PLCH2: variants seen among roughly 807,000 people sequenced by gnomAD.
The protein encoded by PLCH2 is 1-phosphatidylinositol 4,5-bisphosphate phosphodiesterase eta-2.
PLCH2 carries 98 observed loss-of-function variants against 134.7 expected under a neutral mutation model. The ratio of observed to expected loss-of-function variants is 0.73; its 90% confidence interval spans 0.62 to 0.86. PLCH2 has a LOEUF of 0.86. PLCH2 is among the 40% of genes least tolerant of loss of function. PLCH2 has a pLI of 0.00. For synonymous variants in PLCH2, 974 were observed against 827.5 expected (o/e 1.18, Z -3.04); for missense variants, 1,994 against 1,986.6 (o/e 1.00, Z -0.07).
chr1:2,502,989 C>G (rs751130009), intron 21 of PLCH2: 2 of 716,512 alleles, frequency 2.8e-6, no homozygotes, highest in South Asian at 1.5e-5. Context: ...GCTGCTTCTG[C>G]GTGGACGGTG....
intron 1 of PLCH2, chr1:2,467,759 C>G: frequency 2.5e-6 from 1 of 399,900 alleles, no homozygotes; most frequent in Non-Finnish European, 4.4e-6. Context: ...CAGGACCGGA[C>G]CTGTTCACTG....
chr1:2,424,993 C>CA (rs570886887), upstream of PLCH2, among the ~76,000 whole-genome samples: 2 of 151,412 alleles, frequency 1.3e-5, no homozygotes, highest in African/African-American at 4.8e-5. Context: ...CTCAAAAAAA[C>CA]AAAAAACAAA....
Position 2,494,879 on chromosome 1 carries a change from G to A in PLCH2, c.1683G>A (p.Glu561=). 1 of 1,606,940 alleles carries A rather than the reference G, an allele frequency of 6.2e-7. No individual in the cohort carries two copies. Among genetic ancestry groups the A allele is most frequent in the Non-Finnish European group, 8.5e-7 (1 of 1,177,478 alleles). Residue 561 remains glutamate, a synonymous_variant, in exon 12 of 22, where the codon GAG becomes GAA. Transcript: ENST00000378486. ...AGAGCAAGGCTGAAGAGGACGTGGA[G>A]TCTGGGGAGGATGCCGGGGCCAGCA... ...GRKSKAEEDV[E]SGEDAGASRR...
At chr1:2,499,571 T>G in intron 19 of PLCH2, 70 bp from the exon 20 acceptor site, 2 of 1,170,670 alleles carry the variant, frequency 1.7e-6, no homozygotes, top group Non-Finnish European at 1.2e-6. Context: ...TTAAGTAGAA[T>G]GGGGGGCAGA....
chr1:2,434,672 C>G (rs902606223), intron 2 of PLCH2, among the ~76,000 whole-genome samples: 1 of 152,216 alleles, frequency 6.6e-6, no homozygotes, highest in Non-Finnish European at 1.5e-5. Flanking sequence ...CCCTTCCCCC[C>G]ACAGCCAGCA....
intron 1 of PLCH2, among the ~76,000 whole-genome samples, chr1:2,427,492 A>G (rs1638855504): frequency 1.3e-5 from 2 of 152,184 alleles, no homozygotes; most frequent in Non-Finnish European, 2.9e-5. Flanking sequence ...GCCTCAGGCC[A>G]GGAGGGAGAG....
chr1:2,466,843 C>T (rs546675848), upstream of PLCH2, among the ~76,000 whole-genome samples: 78 of 152,308 alleles, frequency 5.1e-4, no homozygotes, highest in African/African-American at 1.7e-3. Context: ...ACAGACAGGG[C>T]AGGGAGGCGA....
At position 2,459,587 on chromosome 1, in the gene PLCH2, G is replaced by T. The variant is rs367829449; in HGVS notation, c.116-18889G>T. On this transcript the variant is annotated intron_variant, in intron 2 of 3. Transcript: ENST00000609981. ...CTCCTTGCCGGTGGTCCTCCTTGCC[G>T]GTGGTCTTCCTTTCCGGTGGTCCTC... Among the ~76,000 whole-genome samples the T allele has an allele frequency of 5.8e-5, 8 of 136,968 alleles. 1 individual carries two copies. The highest frequency in any genetic ancestry group is 2.9e-4 in the Admixed American group (4 of 13,664). 89.9% of individuals were successfully genotyped at this position (136,968 alleles called of 152,430 possible).
At chr1:2,484,035 C>T (rs375300611) in intron 4 of PLCH2, among the ~76,000 whole-genome samples, 1 of 144,008 alleles carries the variant, frequency 6.9e-6, no homozygotes, top group Non-Finnish European at 1.5e-5. Context: ...GTGTGGGTGG[C>T]GCTGACTCCC....
At chr1:2,496,233 C>T (rs571143729) in intron 13 of PLCH2, among the ~76,000 whole-genome samples, 1 of 152,190 alleles carries the variant, frequency 6.6e-6, no homozygotes, top group East Asian at 1.9e-4. Context: ...ACCCGGCCGA[C>T]ACGGAGGCCC....
At position 2,503,980 on chromosome 1, in the gene PLCH2, C is replaced by G. The variant is rs769112214; in HGVS notation, c.3018C>G (p.Ile1006Met). ...PLPPLCSLET[I>M]AEEPAPGPGP... ...CCCCACTGTGCAGCCTGGAAACCAT[C>G]GCTGAGGAGCCCGCCCCAGGCCCTG... Residue 1006 changes from isoleucine to methionine, a missense_variant, in exon 22 of 22, where the codon ATC becomes ATG. By Grantham distance (10) the Ile-to-Met change is conservative. Coordinates refer to ENST00000378486, the MANE Select transcript of PLCH2 (RefSeq NM_014638.4). 3.3e-6 allele frequency: 5 copies of G among 1,514,242 alleles called. No individual in the cohort carries two copies. The African/African-American group carries it at 4.2e-5, about 13-fold the overall frequency. 93.8% of individuals were successfully genotyped at this position (1,514,242 alleles called of 1,614,324 possible).
intron 2 of PLCH2, among the ~76,000 whole-genome samples, chr1:2,433,197 C>T (rs947595180): frequency 6.6e-6 from 1 of 152,258 alleles, no homozygotes; most frequent in African/African-American, 2.4e-5. Context: ...GCTCCCGGCC[C>T]CCGCTGTGTA....
At chr1:2,443,164 C>T (rs1481753893) in intron 2 of PLCH2, among the ~76,000 whole-genome samples, 2 of 152,222 alleles carry the variant, frequency 1.3e-5, no homozygotes, top group Admixed American at 6.5e-5. Flanking sequence ...GGGCTGGCCG[C>T]CCGATGGGAG....
chr1:2,460,368 G>A (rs1396331657), intron 2 of PLCH2, among the ~76,000 whole-genome samples: 1 of 152,248 alleles, frequency 6.6e-6, no homozygotes, highest in African/African-American at 2.4e-5. Context: ...TCTAAGCCAT[G>A]CCCACACACA....
upstream of PLCH2, among the ~76,000 whole-genome samples, chr1:2,423,927 C>T (rs957781148): frequency 6.6e-6 from 1 of 152,154 alleles, no homozygotes; most frequent in Non-Finnish European, 1.5e-5. Context: ...ATTTTCCCTT[C>T]TCCCCCTCCC....
intron 4 of PLCH2, among the ~76,000 whole-genome samples, chr1:2,481,412 T>C (rs1641963542): frequency 6.6e-6 from 1 of 152,198 alleles, no homozygotes; most frequent in Non-Finnish European, 1.5e-5. Flanking sequence ...CCTGGGGCCA[T>C]CCCCAGCCAC....
the PLCH2 span, among the ~76,000 whole-genome samples, chr1:2,416,666 G>A: frequency 2.0e-5 from 3 of 152,250 alleles, no homozygotes; most frequent in African/African-American, 7.2e-5. Flanking sequence ...GGCAGCCAGA[G>A]GCAGGAAGTG....
intron 10 of PLCH2, among the ~76,000 whole-genome samples, chr1:2,490,815 A>G (rs1474686537): frequency 6.6e-6 from 1 of 152,218 alleles, no homozygotes; most frequent in Non-Finnish European, 1.5e-5. Context: ...GGGGGGCTGC[A>G]CTGGCAGGGA....
intron 2 of PLCH2, among the ~76,000 whole-genome samples, chr1:2,460,098 C>A (rs115020416): frequency 6.6e-6 from 1 of 152,392 alleles, no homozygotes; most frequent in South Asian, 2.1e-4. Flanking sequence ...TTCTGCCCTC[C>A]GGTTCCTCCC....
Sources: gnomAD v4.1 joint callset for allele counts (sites outside exome capture counted in the v4.1 genomes callset) on GRCh38, gnomAD v4.1.1 for gene constraint, MANE v1.5 for transcripts, NCBI Gene and HGNC (gene_info 2026-07-23, HGNC 2026-07-21) for gene names.